KCTD8: variants seen among roughly 807,000 people sequenced by gnomAD.
The protein encoded by KCTD8 is potassium channel tetramerization domain containing 8.
KCTD8 carries 27 observed loss-of-function variants against 31.5 expected under a neutral mutation model. That is an observed-to-expected ratio of 0.86 (90% CI 0.63 to 1.18). The LOEUF (loss-of-function observed/expected upper bound fraction) is 1.18, where lower values mean the gene tolerates loss of function less well. Ranked by LOEUF, KCTD8 falls within the 50% of genes most tolerant of loss-of-function variation. The pLI is 0.00. For missense variants in KCTD8, 658 were observed against 647.7 expected (o/e 1.02, Z -0.17); for synonymous variants, 290 against 280.0 (o/e 1.04, Z -0.36).
chr4:44,184,848 A>C (rs1713532572), intron 1 of KCTD8, among the ~76,000 whole-genome samples: 1 of 152,202 alleles, frequency 6.6e-6, no homozygotes, highest in Non-Finnish European at 1.5e-5. Flanking sequence ...TCCCGAGGTC[A>C]CACTTCTGGT....
intron 1 of KCTD8, among the ~76,000 whole-genome samples, chr4:44,240,804 T>A (rs979278478): frequency 6.6e-6 from 1 of 152,166 alleles, no homozygotes; most frequent in South Asian, 2.1e-4. Flanking sequence ...CTGACCATGA[T>A]CAAAATAACA....
intron 1 of KCTD8, among the ~76,000 whole-genome samples, chr4:44,338,267 T>A: frequency 6.6e-6 from 1 of 152,164 alleles, no homozygotes; most frequent in Non-Finnish European, 1.5e-5. Flanking sequence ...ATAAAAGTTA[T>A]TTTTCAAATT....
chr4:44,436,189 C>T (rs1721639413), intron 1 of KCTD8, among the ~76,000 whole-genome samples: 1 of 151,924 alleles, frequency 6.6e-6, no homozygotes, highest in East Asian at 1.9e-4. Flanking sequence ...AAGAGTCTTG[C>T]CTAAAAACAA....
intron 1 of KCTD8, among the ~76,000 whole-genome samples, chr4:44,273,095 A>G (rs2109373694): frequency 6.6e-6 from 1 of 152,172 alleles, no homozygotes; most frequent in South Asian, 2.1e-4. Context: ...ATCTACTTAA[A>G]TAATTCTATT....
At chr4:44,401,419 G>A (rs527714810) in intron 1 of KCTD8, among the ~76,000 whole-genome samples, 2 of 152,206 alleles carry the variant, frequency 1.3e-5, no homozygotes, top group Admixed American at 1.3e-4. Flanking sequence ...GGAGTGTACA[G>A]GCCAAAAGTC....
At chr4:44,330,072 G>A (rs1718556836) in intron 1 of KCTD8, among the ~76,000 whole-genome samples, 1 of 151,778 alleles carries the variant, frequency 6.6e-6, no homozygotes, top group Non-Finnish European at 1.5e-5. Flanking sequence ...AAAATGCAAT[G>A]AACATGTCAG....
At chr4:44,178,483 T>C (rs1354506402) in intron 1 of KCTD8, among the ~76,000 whole-genome samples, 2 of 152,148 alleles carry the variant, frequency 1.3e-5, no homozygotes, top group Non-Finnish European at 2.9e-5. Context: ...TTGTTTTTTT[T>C]ACCCTTTCTG....
At chr4:44,278,746 C>T (rs533541481) in intron 1 of KCTD8, among the ~76,000 whole-genome samples, 2 of 152,080 alleles carry the variant, frequency 1.3e-5, no homozygotes, top group African/African-American at 4.8e-5. Flanking sequence ...CAGGCCCATA[C>T]CTCATCTCCG....
intron 1 of KCTD8, among the ~76,000 whole-genome samples, chr4:44,364,067 C>T (rs924939337): frequency 2.6e-5 from 4 of 151,774 alleles, no homozygotes; most frequent in African/African-American, 7.3e-5. Context: ...AAAGCACTAT[C>T]GATAAAAGAA....
intron 1 of KCTD8, among the ~76,000 whole-genome samples, chr4:44,240,486 C>A (rs1192214979): frequency 2.0e-5 from 3 of 151,946 alleles, no homozygotes; most frequent in Non-Finnish European, 4.4e-5. Context: ...GTTAGTAGTC[C>A]CGGGATTTTA....
intron 1 of KCTD8, among the ~76,000 whole-genome samples, chr4:44,190,651 A>G (rs1420466255): frequency 1.3e-5 from 2 of 152,168 alleles, no homozygotes; most frequent in Non-Finnish European, 2.9e-5. Flanking sequence ...GAATACTTCA[A>G]ACTGTTCATG....
chr4:44,398,665 C>T (rs1193468831), intron 1 of KCTD8, among the ~76,000 whole-genome samples: 2 of 152,160 alleles, frequency 1.3e-5, no homozygotes, highest in African/African-American at 4.8e-5. Context: ...CTAGTACAAA[C>T]TCATTTCACA....
At chr4:44,404,174 C>A (rs539324026) in intron 1 of KCTD8, among the ~76,000 whole-genome samples, 94 of 152,178 alleles carry the variant, frequency 6.2e-4, no homozygotes, top group African/African-American at 2.0e-3. Flanking sequence ...CATTTTAACA[C>A]AAAATATCTG....
At chr4:44,417,968 T>C (rs937620640) in intron 1 of KCTD8, among the ~76,000 whole-genome samples, 1 of 152,250 alleles carries the variant, frequency 6.6e-6, no homozygotes, top group Middle Eastern at 3.4e-3. Flanking sequence ...ATGGAGGCTC[T>C]GGGGTTAGAA....
chr4:44,268,392 C>G (rs1231622506), intron 1 of KCTD8, among the ~76,000 whole-genome samples: 1 of 151,758 alleles, frequency 6.6e-6, no homozygotes, highest in East Asian at 1.9e-4. Context: ...TGGGATGTAT[C>G]TCAAAATAAT....
At chr4:44,242,073 C>T (rs1243684289) in intron 1 of KCTD8, among the ~76,000 whole-genome samples, 2 of 152,186 alleles carry the variant, frequency 1.3e-5, no homozygotes, top group Admixed American at 1.3e-4. Flanking sequence ...TCACTGACTA[C>T]TCAGTGTGCA....
At chr4:44,287,994 G>C (rs1226595478) in intron 1 of KCTD8, among the ~76,000 whole-genome samples, 1 of 152,152 alleles carries the variant, frequency 6.6e-6, no homozygotes, top group Non-Finnish European at 1.5e-5. Context: ...ATCTGGACCA[G>C]ATTAAACAGA....
intron 1 of KCTD8, among the ~76,000 whole-genome samples, chr4:44,397,341 T>A (rs1008915254): frequency 6.6e-6 from 1 of 152,174 alleles, no homozygotes; most frequent in African/African-American, 2.4e-5. Context: ...CTAATACTCA[T>A]ATACGTATAC....
intron 1 of KCTD8, among the ~76,000 whole-genome samples, chr4:44,258,606 C>T (rs926864975): frequency 6.6e-6 from 1 of 151,860 alleles, no homozygotes. Flanking sequence ...TATTTGCTTA[C>T]TATTAAACAT....
Sources: allele counts gnomAD v4.1 joint callset (sites outside exome capture counted in the v4.1 genomes callset), GRCh38; gene constraint gnomAD v4.1.1; transcripts MANE v1.5; gene names NCBI Gene and HGNC (gene_info 2026-07-23, HGNC 2026-07-21).